The following SCARA3 variants were observed in gnomAD, a reference collection of about 807,000 sequenced individuals.
SCARA3 encodes the protein cellular stress response gene protein.
In SCARA3, 39 loss-of-function variants were observed where a neutral mutation model predicts 47.0. That is an observed-to-expected ratio of 0.83 (90% CI 0.64 to 1.08). The LOEUF is 1.08. SCARA3 is among the 50% of genes least tolerant of loss of function. The pLI is 0.00. For missense variants in SCARA3, 724 were observed against 792.3 expected, an observed-to-expected ratio of 0.91 and a Z score of 1.04; for synonymous variants, 356 against 334.1, an observed-to-expected ratio of 1.07 and a Z score of -0.71.
At chr8:27,654,037 C>T (rs1382080540) in intron 3 of SCARA3, among the ~76,000 whole-genome samples, 1 of 152,152 alleles carries the variant, frequency 6.6e-6, no homozygotes, top group Non-Finnish European at 1.5e-5. Context: ...ATTTGCAACA[C>T]CCCTGGTCTA....
chr8:27,647,675 A>C (rs537972723), intron 1 of SCARA3, among the ~76,000 whole-genome samples: 1 of 152,318 alleles, frequency 6.6e-6, no homozygotes, highest in South Asian at 2.1e-4. Flanking sequence ...TAGGGAGAGC[A>C]CAGAGCATGT....
chr8:27,648,845 G>C (rs969953243), intron 1 of SCARA3, among the ~76,000 whole-genome samples: 5 of 149,936 alleles, frequency 3.3e-5, no homozygotes, highest in African/African-American at 1.2e-4. Context: ...GGGAGGGAGA[G>C]AGAAGGAAAG....
chr8:27,673,914 C>T (rs910847161), downstream of SCARA3, among the ~76,000 whole-genome samples: 5 of 152,174 alleles, frequency 3.3e-5, no homozygotes, highest in Non-Finnish European at 5.9e-5. Flanking sequence ...AAGTCTCTTA[C>T]TTCTCATGGG....
At chr8:27,685,056 A>T in the SCARA3 span, among the ~76,000 whole-genome samples, 1 of 152,208 alleles carries the variant, frequency 6.6e-6, no homozygotes, top group African/African-American at 2.4e-5. Flanking sequence ...AAAGTTCCAC[A>T]CCCTCTTCTT....
chr8:27,685,258 G>A, the SCARA3 span, among the ~76,000 whole-genome samples: 1 of 152,162 alleles, frequency 6.6e-6, no homozygotes, highest in East Asian at 1.9e-4. Context: ...GACTTAATAA[G>A]TAGAAAACCT....
chr8:27,732,322 T>C, the SCARA3 span, among the ~76,000 whole-genome samples: 2 of 152,168 alleles, frequency 1.3e-5, no homozygotes, highest in East Asian at 1.9e-4. Context: ...TGAGCAATGA[T>C]TTCCTCTGGC....
chr8:27,680,262 G>A (rs1000179054), downstream of SCARA3, among the ~76,000 whole-genome samples: 1 of 151,522 alleles, frequency 6.6e-6, no homozygotes, highest in Non-Finnish European at 1.5e-5. Flanking sequence ...AGAAAATAAA[G>A]GAAAACCAAC....
At chr8:27,704,608 A>G in the SCARA3 span, among the ~76,000 whole-genome samples, 2 of 152,182 alleles carry the variant, frequency 1.3e-5, no homozygotes, top group Non-Finnish European at 2.9e-5. Flanking sequence ...GTCCGTGTGA[A>G]AGACCCTGGG....
intron 1 of SCARA3, among the ~76,000 whole-genome samples, chr8:27,642,386 A>G (rs959450676): frequency 6.6e-6 from 1 of 152,136 alleles, no homozygotes; most frequent in Admixed American, 6.5e-5. Flanking sequence ...GTCTCATTGG[A>G]TTTTCACAGC....
At chr8:27,641,497 C>G (rs776724294) in intron 1 of SCARA3, among the ~76,000 whole-genome samples, 3 of 152,210 alleles carry the variant, frequency 2.0e-5, no homozygotes, top group South Asian at 2.1e-4. Context: ...TGCATGCCCC[C>G]CTCTGACACT....
rs768458428 is a variant in SCARA3, at chr8:27,659,208, G to A, written c.1038G>A (p.Leu346=). ...GCACTGTGGAGAGGTTTGAGTCTCT[G>A]GAAGGACGCATGGCTTCTCACGAGA... ...QNRTVERFES[L]EGRMASHEIE... The change falls in exon 5 of 6, where the codon CTG becomes CTA. Residue 346 remains leucine, a synonymous_variant. Transcript: ENST00000301904. The A allele has an allele frequency of 1.2e-5, 20 of 1,614,148 alleles. 1 individual carries two copies. In the South Asian group the frequency reaches 2.1e-4, roughly 17 times the overall value.
the SCARA3 span, among the ~76,000 whole-genome samples, chr8:27,682,244 T>C: frequency 6.6e-6 from 1 of 152,302 alleles, no homozygotes; most frequent in Admixed American, 6.5e-5. Context: ...TATATCTTGA[T>C]GTTTACCTCA....
chr8:27,731,632 ACT>A, the SCARA3 span, among the ~76,000 whole-genome samples: 2 of 105,670 alleles, frequency 1.9e-5, no homozygotes, highest in Non-Finnish European at 3.6e-5. Flanking sequence ...ACAGAGCGAG[ACT>A]CTGTCTCAAA....
the SCARA3 span, among the ~76,000 whole-genome samples, chr8:27,708,949 T>A: frequency 6.6e-6 from 1 of 152,150 alleles, no homozygotes; most frequent in Non-Finnish European, 1.5e-5. Flanking sequence ...GCTTTTTTGG[T>A]TTCAAAGTCA....
the SCARA3 span, chr8:27,703,912 AT>A: frequency 7.1e-6 from 1 of 141,444 alleles, no homozygotes; most frequent in African/African-American, 2.6e-5. Flanking sequence ...AAAAAACATA[AT>A]GGAAAATAAG....
chr8:27,639,317 A>G (rs1475874731), intron 1 of SCARA3, among the ~76,000 whole-genome samples: 1 of 152,212 alleles, frequency 6.6e-6, no homozygotes, highest in Non-Finnish European at 1.5e-5. Context: ...ATCCAGGCAG[A>G]TGCCACAAAA....
At chr8:27,690,742 C>T in the SCARA3 span, among the ~76,000 whole-genome samples, 78 of 152,074 alleles carry the variant, frequency 5.1e-4, no homozygotes, top group Non-Finnish European at 9.3e-4. Context: ...GTCACCCAGG[C>T]TGTAGTGCAG....
At position 27,646,973 on chromosome 8, in the gene SCARA3, C is replaced by A. The variant is rs1027752445; in HGVS notation, c.8-2729C>A. Among the ~76,000 whole-genome samples the A allele has an allele frequency of 4.0e-4, 7 of 17,440 alleles. 1 individual carries two copies. The highest frequency in any genetic ancestry group is 1.2e-3 in the Non-Finnish European group (4 of 3,312). The allele number at this position is 17,440 out of a possible 152,430, so 11.4% of individuals were successfully genotyped here. A position where few individuals can be genotyped will look rare whatever the true frequency, so the allele number is the denominator to read the frequency against. On this transcript the variant is annotated intron_variant, in intron 1 of 5. Coordinates refer to ENST00000301904, the MANE Select transcript of SCARA3 (RefSeq NM_016240.3). Reference sequence around the variant, plus strand: ...TTGCCCGCACCCCTGACCGCCCCCGCCCCCCCCCCGCACACACACACTATT... The same window carrying A: ...TTGCCCGCACCCCTGACCGCCCCCGACCCCCCCCCGCACACACACACTATT...
At chr8:27,717,343 T>C in the SCARA3 span, among the ~76,000 whole-genome samples, 1 of 152,178 alleles carries the variant, frequency 6.6e-6, no homozygotes, top group Admixed American at 6.5e-5. Flanking sequence ...TCAATAAACA[T>C]GAGAACGACA....
Sources: allele counts gnomAD v4.1 joint callset (sites outside exome capture counted in the v4.1 genomes callset), GRCh38; gene constraint gnomAD v4.1.1; transcripts MANE v1.5; gene names NCBI Gene and HGNC (gene_info 2026-07-23, HGNC 2026-07-21).